Variants in WFDC8 observed in about 807,000 individuals in gnomAD.
WFDC8 encodes WAP four-disulfide core domain 8.
Under a neutral mutation model 27.0 loss-of-function variants are expected in WFDC8, and 24 were observed. The observed-to-expected ratio is 0.89, with a 90% confidence interval of 0.64 to 1.25. The LOEUF is 1.25. Among genes scored for constraint, WFDC8 ranks in the 50% most tolerant of loss-of-function variants. The pLI is 0.00. For synonymous variants in WFDC8, 106 were observed against 99.7 expected (o/e 1.06, Z -0.38); for missense variants, 287 against 295.9 (o/e 0.97, Z 0.22).
intron 1 of WFDC8, among the ~76,000 whole-genome samples, chr20:45,564,529 C>T (rs1980577151): frequency 6.6e-6 from 1 of 152,090 alleles, no homozygotes; most frequent in East Asian, 1.9e-4. Flanking sequence ...AAAAAATTAA[C>T]CGGGCGTGGT....
chr20:45,567,340 C>G (rs1414988731), intron 1 of WFDC8, among the ~76,000 whole-genome samples: 2 of 152,136 alleles, frequency 1.3e-5, no homozygotes, highest in Non-Finnish European at 2.9e-5. Flanking sequence ...ACAGATCACC[C>G]ACCATTTTCC....
intron 1 of WFDC8, among the ~76,000 whole-genome samples, chr20:45,563,931 G>A (rs1402074551): frequency 6.6e-6 from 1 of 152,206 alleles, no homozygotes; most frequent in Admixed American, 6.5e-5. Flanking sequence ...AAACATAATA[G>A]AGGATGTCCA....
At chr20:45,559,058 AGG>A in intron 2 of WFDC8, 66 bp from the exon 3 acceptor site, 1 of 1,593,672 alleles carries the variant, frequency 6.3e-7, no homozygotes, top group South Asian at 1.1e-5. Flanking sequence ...CCTATGGCAA[AGG>A]TGTGTAGTGA....
intron 1 of WFDC8, among the ~76,000 whole-genome samples, chr20:45,564,542 C>G (rs1349744652): frequency 6.6e-6 from 1 of 151,986 alleles, no homozygotes; most frequent in Non-Finnish European, 1.5e-5. Flanking sequence ...GGCGTGGTGG[C>G]GGGTGCCTGT....
intron 3 of WFDC8, among the ~76,000 whole-genome samples, chr20:45,556,591 A>T (rs1049287739): frequency 1.3e-5 from 2 of 152,200 alleles, no homozygotes; most frequent in African/African-American, 4.8e-5. Context: ...AACTGAGAGC[A>T]GTCATCAAAG....
chr20:45,554,834 G>A (rs910757245), intron 4 of WFDC8, among the ~76,000 whole-genome samples: 2 of 152,148 alleles, frequency 1.3e-5, no homozygotes, highest in African/African-American at 4.8e-5. Flanking sequence ...GGGTCCTCAG[G>A]CAACTAACTT....
intron 4 of WFDC8, 28 bp from the exon 5 acceptor site, chr20:45,553,304 T>C (rs764394029): frequency 3.5e-5 from 56 of 1,601,134 alleles, no homozygotes; most frequent in Non-Finnish European, 4.3e-5. Flanking sequence ...GTGAGCTTCT[T>C]AAAACCCCAC....
intron 1 of WFDC8, among the ~76,000 whole-genome samples, chr20:45,574,178 T>G (rs1980964793): frequency 6.6e-6 from 1 of 152,106 alleles, no homozygotes; most frequent in African/African-American, 2.4e-5. Context: ...ACAGAAAAAC[T>G]AAATAGATCA....
chr20:45,565,727 T>C (rs1980654096), intron 1 of WFDC8, among the ~76,000 whole-genome samples: 1 of 152,198 alleles, frequency 6.6e-6, no homozygotes. Flanking sequence ...CCACTGTGCC[T>C]TTTGCTGTCT....
chr20:45,570,456 C>A (rs1980829246), intron 1 of WFDC8, among the ~76,000 whole-genome samples: 1 of 152,064 alleles, frequency 6.6e-6, no homozygotes, highest in African/African-American at 2.4e-5. Flanking sequence ...TTTACATGTT[C>A]ACATAATGCA....
intron 1 of WFDC8, among the ~76,000 whole-genome samples, chr20:45,571,944 G>A (rs1326656348): frequency 6.6e-6 from 1 of 152,110 alleles, no homozygotes; most frequent in African/African-American, 2.4e-5. Context: ...ACATAGCAGT[G>A]CCAATATCTC....
intron 4 of WFDC8, 125 bp downstream of exon 4, chr20:45,555,576 C>A: frequency 9.1e-7 from 1 of 1,095,636 alleles, no homozygotes; most frequent in Admixed American, 2.3e-5. Flanking sequence ...GACCTCCCAG[C>A]CAGTGAATGA....
At chr20:45,551,495 G>T (rs1980031367), downstream of WFDC8, 1 of 152,282 alleles carries the variant, frequency 6.6e-6, no homozygotes, top group Non-Finnish European at 1.5e-5. Flanking sequence ...TGGGCATGAT[G>T]GTGGGCACCT....
chr20:45,575,088 G>GT, intron 1 of WFDC8, among the ~76,000 whole-genome samples: 1 of 152,296 alleles, frequency 6.6e-6, no homozygotes, highest in South Asian at 2.1e-4. Context: ...GAAAAGTTGA[G>GT]TTTTTTCTCT....
chr20:45,573,557 G>A (rs1388097545), intron 1 of WFDC8, among the ~76,000 whole-genome samples: 1 of 152,104 alleles, frequency 6.6e-6, no homozygotes, highest in African/African-American at 2.4e-5. Context: ...TATGGTATTT[G>A]GTTTTCCATT....
At position 45,551,930 on chromosome 20, in the gene WFDC8, G is replaced by C. The variant is rs1423383551; in HGVS notation, c.*96C>G. Reference sequence around the variant, plus strand: ...CATCATTCAATATTGTGATACTTAAGATAATTTGGCAAGTTGGATACAAGA... The same window carrying C: ...CATCATTCAATATTGTGATACTTAACATAATTTGGCAAGTTGGATACAAGA... On this transcript the variant is annotated 3_prime_UTR_variant, in exon 6 of 6. Transcript: ENST00000289953. 1 of 1,394,226 alleles carries C rather than the reference G, an allele frequency of 7.2e-7. No individual in the cohort carries two copies. Among genetic ancestry groups the C allele is most frequent in the Non-Finnish European group, 9.9e-7 (1 of 1,012,958 alleles). 86.4% of individuals were successfully genotyped at this position (1,394,226 alleles called of 1,614,324 possible).
chr20:45,552,150 C>A lies in WFDC8; in HGVS notation c.602G>T (p.Cys201Phe), dbSNP rs759059198. Residue 201 changes from cysteine (C) to phenylalanine (F), a missense_variant, in exon 6 of 6, where the codon TGC (cysteine) becomes TTC (phenylalanine). Cys to Phe is a radical substitution (Grantham distance 205). Coordinates refer to ENST00000289953, the MANE Select transcript of WFDC8 (RefSeq NM_130896.3). ...GGTACATAGCAAGGGCTTGCGTGGG[C>A]AGAAACCTTTTTTGACTTTATGGGG... ...ARAWTVKKGF[C>F]PRKPLLCTKI... 5.6e-6 allele frequency: 9 copies of A among 1,613,796 alleles called. No homozygotes were observed. The highest frequency in any genetic ancestry group is 7.6e-6 in the Non-Finnish European group (9 of 1,179,872).
At chr20:45,574,806 A>G (rs574594234) in intron 1 of WFDC8, among the ~76,000 whole-genome samples, 3 of 152,342 alleles carry the variant, frequency 2.0e-5, no homozygotes, top group South Asian at 2.1e-4. Context: ...TCAAAATAAA[A>G]GAAAAAAATA....
At chr20:45,554,326 C>T (rs1453241817) in intron 4 of WFDC8, among the ~76,000 whole-genome samples, 1 of 152,022 alleles carries the variant, frequency 6.6e-6, no homozygotes, top group Non-Finnish European at 1.5e-5. Flanking sequence ...CTGTGCCTGG[C>T]CCGAGGTTCT....
Sources: allele counts gnomAD v4.1 joint callset (sites outside exome capture counted in the v4.1 genomes callset), GRCh38; gene constraint gnomAD v4.1.1; transcripts MANE v1.5; gene names NCBI Gene and HGNC (gene_info 2026-07-23, HGNC 2026-07-21).